The following LILRA1 variants were observed in gnomAD, a reference collection of about 807,000 sequenced individuals.
LILRA1 encodes leukocyte immunoglobulin-like receptor subfamily A member 1.
Under a neutral mutation model 51.6 loss-of-function variants are expected in LILRA1, and 51 were observed. That is an observed-to-expected ratio of 0.99 (90% CI 0.79 to 1.25). The LOEUF (loss-of-function observed/expected upper bound fraction) is 1.25, where lower values mean the gene tolerates loss of function less well. LILRA1 is among the 50% of genes most tolerant of loss of function. LILRA1 has a pLI of 0.00. For synonymous variants in LILRA1, 305 were observed against 248.4 expected (o/e 1.23, Z -2.14); for missense variants, 660 against 611.7 (o/e 1.08, Z -0.83).
At chr19:54,597,888 C>T (rs1013651566) in intron 7 of LILRA1, among the ~76,000 whole-genome samples, 1 of 151,526 alleles carries the variant, frequency 6.6e-6, no homozygotes, top group Non-Finnish European at 1.5e-5. Flanking sequence ...AAGTGCACGG[C>T]CCCTCCTTAG....
At chr19:54,596,132 G>T in intron 6 of LILRA1, 57 bp from the exon 7 acceptor site, 1 of 1,576,244 alleles carries the variant, frequency 6.3e-7, no homozygotes, top group Non-Finnish European at 8.6e-7. Context: ...GAAGCCTGGG[G>T]AGGCGTCAGC....
rs1237296064 is a variant in LILRA1, at chr19:54,594,702, C to T, written c.108C>T (p.Gly36=). The part of the protein sequence containing the change: ...LPKPTLWAEP[G]SVITQGSPVT... ...AGCCCACACTCTGGGCTGAGCCAGG[C>T]TCTGTGATCACCCAGGGGAGTCCCG... Residue 36 remains glycine (G), a synonymous_variant, in exon 4 of 10, where the codon GGC becomes GGT. Transcript: ENST00000251372. 2.5e-6 allele frequency: 4 copies of T among 1,613,552 alleles called. No individual in the cohort carries two copies. The highest frequency in any genetic ancestry group is 1.3e-5 in the African/African-American group (1 of 74,892).
chr19:54,594,718 G>A lies in LILRA1; in HGVS notation c.124G>A (p.Gly42Arg), dbSNP rs2062989533. 1.2e-6 allele frequency: 2 copies of A among 1,613,968 alleles called. No homozygotes were observed. The highest frequency in any genetic ancestry group is 2.2e-5 in the East Asian group (1 of 44,884). The change falls in exon 4 of 10, where the codon GGG becomes AGG. Residue 42 changes from glycine to arginine, a missense_variant. Coordinates refer to ENST00000251372, the MANE Select transcript of LILRA1 (RefSeq NM_006863.4). Reference protein sequence around the residue: ...WAEPGSVITQGSPVTLWCQGI... With the variant: ...WAEPGSVITQRSPVTLWCQGI... ...TGAGCCAGGCTCTGTGATCACCCAGGGGAGTCCCGTGACCCTCTGGTGTCA... is the reference window on the plus strand; with the variant it reads ...TGAGCCAGGCTCTGTGATCACCCAGAGGAGTCCCGTGACCCTCTGGTGTCA...
At position 54,597,768 on chromosome 19, in the gene LILRA1, G is replaced by C. The variant is rs556974589; in HGVS notation, c.1261+1277G>C. Among the ~76,000 whole-genome samples, 99 of 151,962 alleles carry C rather than the reference G, an allele frequency of 6.5e-4. 1 individual carries two copies. The South Asian group carries it at 0.019, about 30-fold the overall frequency. ...GGGTCCCTGGGCCATCTCAAGACAA[G>C]AGAGGAGGCCTTGGTGGGATCTGAC... On this transcript the variant is annotated intron_variant, in intron 7 of 9. Coordinates refer to ENST00000251372, the MANE Select transcript of LILRA1 (RefSeq NM_006863.4).
intron 1 of LILRA1, 135 bp from the exon 2 acceptor site, chr19:54,594,062 C>T (rs1300267053): frequency 6.2e-6 from 6 of 964,890 alleles, no homozygotes; most frequent in Admixed American, 5.3e-5. Context: ...GAGAGTCAGG[C>T]TCCTGGTAGG....
intron 5 of LILRA1, 116 bp from the exon 6 acceptor site, chr19:54,595,523 G>A (rs1324200290): frequency 1.3e-6 from 2 of 1,540,486 alleles, no homozygotes; most frequent in Admixed American, 2.0e-5. Context: ...GAGGGCTCAG[G>A]GCTCCTGGGG....
In LILRA1 at chr19:54,594,702, C is replaced by A. The variant is rs1237296064; in HGVS notation, c.108C>A (p.Gly36=). The A allele has an allele frequency of 1.2e-6, 2 of 1,613,550 alleles. No individual in the cohort carries two copies. Among genetic ancestry groups the A allele is most frequent in the Admixed American group, 3.3e-5 (2 of 59,932 alleles). ...LPKPTLWAEP[G]SVITQGSPVT... is the part of the protein sequence containing the mutation. ...AGCCCACACTCTGGGCTGAGCCAGG[C>A]TCTGTGATCACCCAGGGGAGTCCCG... Residue 36 remains glycine (G), a synonymous_variant, in exon 4 of 10, where the codon GGC becomes GGA. Coordinates refer to ENST00000251372, the MANE Select transcript of LILRA1 (RefSeq NM_006863.4).
chr19:54,597,909 G>A (rs1472064336), intron 7 of LILRA1, among the ~76,000 whole-genome samples: 1 of 151,414 alleles, frequency 6.6e-6, no homozygotes, highest in Non-Finnish European at 1.5e-5. Flanking sequence ...TCTCAGGGGT[G>A]CCCTGAGCCC....
At position 54,596,423 on chromosome 19, in the gene LILRA1, A is replaced by C. The variant is rs1361047836; in HGVS notation, c.1193A>C (p.Tyr398Ser). ...TSAHSGTYRCYGSLSSNPYLL... is the reference protein window; with the variant it reads ...TSAHSGTYRCSGSLSSNPYLL... ...GCCCACTCGGGGACCTACAGGTGCT[A>C]CGGCTCACTCAGCTCCAACCCCTAC... Residue 398 changes from tyrosine to serine, a missense_variant, in exon 7 of 10, where the codon TAC becomes TCC. Coordinates refer to ENST00000251372, the MANE Select transcript of LILRA1 (RefSeq NM_006863.4). The C allele has an allele frequency of 6.2e-7, 1 of 1,614,002 alleles. No individual in the cohort carries two copies. The highest frequency in any genetic ancestry group is 1.3e-5 in the African/African-American group (1 of 74,894).
Position 54,594,892 on chromosome 19 carries a change from T to C in LILRA1, c.298T>C (p.Tyr100His). 6.2e-7 allele frequency: 1 copy of C among 1,614,134 alleles called. No homozygotes were observed. Among genetic ancestry groups the C allele is most frequent in the Non-Finnish European group, 8.5e-7 (1 of 1,179,986 alleles). The change falls in exon 4 of 10, where the codon TAC (tyrosine) becomes CAC (histidine). Residue 100 changes from tyrosine to histidine, a missense_variant. Coordinates refer to ENST00000251372, the MANE Select transcript of LILRA1 (RefSeq NM_006863.4). ...ACACACAGGGCGGTATCGCTGTTTC[T>C]ACGGTAGCCACACTGCAGGCTGGTC... ...WEHTGRYRCF[Y>H]GSHTAGWSEP...
At chr19:54,597,165 C>G (rs867384440) in intron 7 of LILRA1, among the ~76,000 whole-genome samples, 2 of 129,558 alleles carry the variant, frequency 1.5e-5, no homozygotes, top group Non-Finnish European at 3.4e-5. Flanking sequence ...TGACAAAAAC[C>G]CAGTCACTCC....
chr19:54,594,326 C>G (rs1245587089), intron 2 of LILRA1, 48 bp downstream of exon 2: 37 of 1,613,416 alleles, frequency 2.3e-5, no homozygotes, highest in Non-Finnish European at 3.0e-5. Flanking sequence ...AGGGACCTCA[C>G]CCCACAGCCG....
intron 7 of LILRA1, 54 bp from the exon 8 acceptor site, chr19:54,599,182 T>C (rs1410200091): frequency 6.7e-7 from 1 of 1,485,622 alleles, no homozygotes; most frequent in Non-Finnish European, 9.1e-7. Flanking sequence ...TATATAGAAT[T>C]TGTTATATAA....
intron 1 of LILRA1, among the ~76,000 whole-genome samples, 165 bp from the exon 2 acceptor site, chr19:54,594,032 C>G (rs1261230485): frequency 6.7e-6 from 1 of 149,666 alleles, no homozygotes; most frequent in Admixed American, 6.6e-5. Context: ...TTCCTGCCCC[C>G]ACCTCAGCTC....
chr19:54,596,095 A>G, intron 6 of LILRA1, 94 bp from the exon 7 acceptor site: 1 of 1,530,918 alleles, frequency 6.5e-7, no homozygotes, highest in Non-Finnish European at 8.8e-7. Context: ...CAGAGAAAAC[A>G]GAGATAGAGA....
In LILRA1 at chr19:54,594,211, C is replaced by G. The variant is rs760795749; in HGVS notation, c.-34C>G. On this transcript the variant is annotated 5_prime_UTR_variant, in exon 2 of 10. In the 5' UTR this introduces an upstream ATG that the reference lacks. Coordinates refer to ENST00000251372, the MANE Select transcript of LILRA1 (RefSeq NM_006863.4). ...TGTCCTGCCAGCACCGAGGGCTCAT[C>G]CATCCGCAGAGCAGGGCAGTGGGAG... 1 of 1,612,734 alleles carries G rather than the reference C, an allele frequency of 6.2e-7. No homozygotes were observed. The highest frequency in any genetic ancestry group is 1.7e-5 in the Admixed American group (1 of 59,810).
rs1378385265 is a variant in LILRA1, at chr19:54,599,262, C to T, written c.1288C>T (p.Gln430Ter). The change falls in exon 8 of 10, where the codon CAA becomes TAA. Residue 430 changes from glutamine (Q) to a stop codon, truncating the protein, a stop_gained. Coordinates refer to ENST00000251372, the MANE Select transcript of LILRA1 (RefSeq NM_006863.4). LOFTEE classifies it high-confidence loss of function. ...AGCAGCTGAGACCCTCAGCCCACCA[C>T]AAAACAAGTCCGATTCCAAGGCTGG... ...SGAAETLSPP[Q>*]NKSDSKAGAA... is the part of the protein sequence containing the mutation. The T allele has an allele frequency of 2.5e-6, 4 of 1,573,864 alleles. No homozygotes were observed. In the East Asian group the frequency reaches 7.6e-5, roughly 30 times the overall value.
Position 54,594,934 on chromosome 19 carries a change from CT to C in LILRA1, c.341del (p.Leu114ArgfsTer5), listed in dbSNP as rs1442109316. ...AGGCTGGTCAGAGCCCAGTGACCCC[CT>C]GGAGCTGGTGGTGACAGGTGAGCTG... ...TAGWSEPSDP[L>X]ELVVTGAYIK... is the part of the protein sequence containing the mutation. On this transcript the variant is annotated frameshift_variant, in exon 4 of 10. Transcript: ENST00000251372. LOFTEE classifies it high-confidence loss of function. The C allele has an allele frequency of 2.5e-6, 4 of 1,613,936 alleles. No individual in the cohort carries two copies. The highest frequency in any genetic ancestry group is 3.4e-6 in the Non-Finnish European group (4 of 1,179,954).
chr19:54,600,654 T>C (rs768491626), intron 9 of LILRA1, 45 bp from the exon 10 acceptor site: 18 of 1,612,866 alleles, frequency 1.1e-5, no homozygotes, highest in South Asian at 4.4e-5. Flanking sequence ...CTGGGTGAAG[T>C]TGATCTGCCC....
Sources: allele counts gnomAD v4.1 joint callset (sites outside exome capture counted in the v4.1 genomes callset), GRCh38; gene constraint gnomAD v4.1.1; transcripts MANE v1.5; gene names NCBI Gene and HGNC (gene_info 2026-07-23, HGNC 2026-07-21).